The following SLC6A15 variants were observed in gnomAD, a reference collection of about 807,000 sequenced individuals.
SLC6A15 encodes the protein solute carrier family 6 member 15, also known as sodium-dependent neutral amino acid transporter B(0)AT2.
Under a neutral mutation model 68.5 loss-of-function variants are expected in SLC6A15, and 33 were observed. That is an observed-to-expected ratio of 0.48 (90% CI 0.37 to 0.64). SLC6A15 has a LOEUF of 0.64. SLC6A15 is among the 30% of genes least tolerant of loss of function. SLC6A15 has a pLI of 0.00. For synonymous variants in SLC6A15, 347 were observed against 301.0 expected (o/e 1.15, Z -1.58); for missense variants, 747 against 874.3 (o/e 0.85, Z 1.84).
At chr12:84,905,824 G>A (rs921866391) in intron 1 of SLC6A15, among the ~76,000 whole-genome samples, 4 of 152,168 alleles carry the variant, frequency 2.6e-5, no homozygotes, top group Admixed American at 2.0e-4. Context: ...CATAAATCAA[G>A]AAAGAAGAAC....
chr12:84,903,295 G>A (rs553773060), intron 1 of SLC6A15, among the ~76,000 whole-genome samples: 4 of 152,120 alleles, frequency 2.6e-5, no homozygotes, highest in African/African-American at 4.8e-5. Flanking sequence ...TGTAAGTGAC[G>A]AGTTAATGGG....
At chr12:84,890,097 C>A (rs976741357) in intron 2 of SLC6A15, among the ~76,000 whole-genome samples, 2 of 152,124 alleles carry the variant, frequency 1.3e-5, no homozygotes, top group Non-Finnish European at 1.5e-5. Context: ...ATGGTGAGTA[C>A]AATCTTTGGT....
chr12:84,908,518 TCTTTA>T (rs986261105), intron 1 of SLC6A15, among the ~76,000 whole-genome samples: 1 of 151,114 alleles, frequency 6.6e-6, no homozygotes, highest in Non-Finnish European at 1.5e-5. Context: ...TTTGCCTCTG[TCTTTA>T]CTTTAAAATA....
In SLC6A15 at chr12:84,859,603, G is replaced by T. The variant is rs752988154; in HGVS notation, c.*2029C>A. The T allele has an allele frequency of 1.3e-5, 2 of 151,784 alleles. No homozygotes were observed. The highest frequency in any genetic ancestry group is 2.9e-5 in the Non-Finnish European group (2 of 67,890). 9.4% of individuals were successfully genotyped at this position (151,784 alleles called of 1,614,324 possible). On this transcript the variant is annotated 3_prime_UTR_variant, in exon 12 of 12. Transcript: ENST00000266682. ...TTTTAAGAGCCCCCATGGCAAGAGAGTGAGAGAAGAAGAATGGTGCTATTT... is the reference window on the plus strand; with the variant it reads ...TTTTAAGAGCCCCCATGGCAAGAGATTGAGAGAAGAAGAATGGTGCTATTT...
chr12:84,863,377 A>T, intron 11 of SLC6A15, 62 bp downstream of exon 11: 1 of 1,252,168 alleles, frequency 8.0e-7, no homozygotes. Flanking sequence ...CAAAAGAAAA[A>T]GCCCTCTAAA....
intron 1 of SLC6A15, among the ~76,000 whole-genome samples, chr12:84,911,221 T>C (rs746355801): frequency 3.9e-5 from 6 of 152,040 alleles, no homozygotes; most frequent in Non-Finnish European, 7.4e-5. Flanking sequence ...AGGTAGAAAA[T>C]AGCTTTTACA....
chr12:84,863,817 C>G (rs1230074305), intron 10 of SLC6A15, among the ~76,000 whole-genome samples: 1 of 151,934 alleles, frequency 6.6e-6, no homozygotes, highest in Non-Finnish European at 1.5e-5. Context: ...AAGCCAATTA[C>G]TGATTTCTCC....
chr12:84,865,028 T>TAACGAACTG (rs1871010514), intron 10 of SLC6A15, among the ~76,000 whole-genome samples: 1 of 152,214 alleles, frequency 6.6e-6, no homozygotes, highest in Admixed American at 6.5e-5. Context: ...CTATCATGAA[T>TAACGAACTG]AACGAACTGT....
At chr12:84,876,789 TTTTA>T (rs1871567869) in intron 5 of SLC6A15, among the ~76,000 whole-genome samples, 182 bp from the exon 6 acceptor site, 1 of 152,188 alleles carries the variant, frequency 6.6e-6, no homozygotes, top group African/African-American at 2.4e-5. Flanking sequence ...AGCCTTAAGA[TTTTA>T]TTTGAGATAC....
intron 2 of SLC6A15, among the ~76,000 whole-genome samples, chr12:84,888,648 A>G (rs111260264): frequency 0.041 from 6,183 of 152,194 alleles, 403 homozygotes; most frequent in African/African-American, 0.14. Context: ...TTAAAAAACT[A>G]CATATTATGT....
At chr12:84,888,052 G>A (rs1415743924) in intron 2 of SLC6A15, among the ~76,000 whole-genome samples, 1 of 150,610 alleles carries the variant, frequency 6.6e-6, no homozygotes, top group Non-Finnish European at 1.5e-5. Context: ...ATGGTGAGAC[G>A]CCCCCCGTCT....
chr12:84,870,922 A>G (rs1394182527), intron 8 of SLC6A15, among the ~76,000 whole-genome samples: 1 of 152,182 alleles, frequency 6.6e-6, no homozygotes, highest in African/African-American at 2.4e-5. Context: ...TGTGTTGTAT[A>G]TACTAACTAT....
intron 1 of SLC6A15, among the ~76,000 whole-genome samples, chr12:84,904,702 C>A (rs60852779): frequency 0.015 from 2,239 of 152,234 alleles, 44 homozygotes; most frequent in African/African-American, 0.052. Flanking sequence ...TGCATAAAGT[C>A]AATTTCATGC....
At chr12:84,868,479 C>T (rs897554576) in intron 9 of SLC6A15, among the ~76,000 whole-genome samples, 2 of 152,152 alleles carry the variant, frequency 1.3e-5, no homozygotes, top group African/African-American at 4.8e-5. Flanking sequence ...CAGCCTGTGT[C>T]ACTTTCACTA....
chr12:84,880,101 A>G (rs1871751809), intron 5 of SLC6A15, among the ~76,000 whole-genome samples: 1 of 152,346 alleles, frequency 6.6e-6, no homozygotes, highest in South Asian at 2.1e-4. Flanking sequence ...ATAAGTTACA[A>G]GAACATTTCA....
At chr12:84,898,140 G>C (rs1872706611) in intron 1 of SLC6A15, among the ~76,000 whole-genome samples, 1 of 152,156 alleles carries the variant, frequency 6.6e-6, no homozygotes, top group African/African-American at 2.4e-5. Flanking sequence ...AGGAGTTCAA[G>C]ACCAGCCTGG....
At chr12:84,868,861 G>A (rs1385122582) in intron 9 of SLC6A15, among the ~76,000 whole-genome samples, 1 of 152,126 alleles carries the variant, frequency 6.6e-6, no homozygotes, top group African/African-American at 2.4e-5. Flanking sequence ...GGAGGGGACG[G>A]TTTGGATATG....
At chr12:84,884,187 A>G (rs1871970177) in intron 4 of SLC6A15, 147 bp from the exon 5 acceptor site, 4 of 656,700 alleles carry the variant, frequency 6.1e-6, no homozygotes, top group East Asian at 2.7e-5. Flanking sequence ...ACAATGAACA[A>G]TAAAAATTCA....
chr12:84,906,977 A>G (rs12299155), intron 1 of SLC6A15, among the ~76,000 whole-genome samples: 39,839 of 149,934 alleles, frequency 0.27, 5,657 homozygotes, highest in Middle Eastern at 0.45. Flanking sequence ...AAGAGGATGG[A>G]AAAAAAAAAG....
Sources: allele counts gnomAD v4.1 joint callset (sites outside exome capture counted in the v4.1 genomes callset), GRCh38; gene constraint gnomAD v4.1.1; transcripts MANE v1.5; gene names NCBI Gene and HGNC (gene_info 2026-07-23, HGNC 2026-07-21).